Variants in EXT1 observed in about 807,000 individuals in gnomAD.
EXT1 encodes the protein exostosin-1.
Under a neutral mutation model 82.5 loss-of-function variants are expected in EXT1, and 20 were observed. The ratio of observed to expected loss-of-function variants is 0.24; its 90% CI spans 0.17 to 0.35. The LOEUF (loss-of-function observed/expected upper bound fraction) is 0.35, where lower values mean the gene tolerates loss of function less well. Ranked by LOEUF, EXT1 falls within the 10% of genes least tolerant of loss-of-function variation. The pLI is 1.00. For synonymous variants in EXT1, 348 were observed against 350.8 expected, an observed-to-expected ratio of 0.99 and a Z score of 0.09; for missense variants, 757 against 936.5, an observed-to-expected ratio of 0.81 and a Z score of 2.50.
chr8:117,938,349 C>T (rs1814209045), intron 1 of EXT1, among the ~76,000 whole-genome samples: 1 of 152,164 alleles, frequency 6.6e-6, no homozygotes, highest in African/African-American at 2.4e-5. Flanking sequence ...GTAATCCCAG[C>T]TACTCAGGAG....
Position 117,885,038 on chromosome 8 carries a change from T to A in EXT1, c.963-47837A>T, listed in dbSNP as rs564269052. 4.9e-3 allele frequency among the ~76,000 whole-genome samples: 743 copies of A among 152,304 alleles called. 4 individuals carry two copies. The highest frequency in any genetic ancestry group is 5.9e-3 in the Non-Finnish European group (401 of 68,018). On this transcript the variant is annotated intron_variant, in intron 1 of 10. Transcript: ENST00000378204. ...AGCATTAGAGATGAATCTAAAAACA[T>A]AGCTACAAATAGGTGTTTATTTTGA...
intron 1 of EXT1, among the ~76,000 whole-genome samples, chr8:117,910,719 G>T (rs1278515134): frequency 2.6e-5 from 4 of 152,194 alleles, no homozygotes. Flanking sequence ...TTTCACATAT[G>T]AGTTGACGGA....
At chr8:118,109,312 A>T (rs566730000) in intron 1 of EXT1, among the ~76,000 whole-genome samples, 8 of 151,944 alleles carry the variant, frequency 5.3e-5, no homozygotes, top group African/African-American at 1.9e-4. Flanking sequence ...GGAACGGGAA[A>T]TCTAAATTAG....
chr8:117,995,808 C>A (rs17476247), intron 1 of EXT1, among the ~76,000 whole-genome samples: 4,630 of 152,228 alleles, frequency 0.03, 223 homozygotes, highest in African/African-American at 0.11. Flanking sequence ...CCTATACATG[C>A]CTTCCCAACC....
intron 1 of EXT1, among the ~76,000 whole-genome samples, chr8:117,953,725 A>C (rs1325491709): frequency 1.3e-5 from 2 of 152,158 alleles, no homozygotes; most frequent in African/African-American, 4.8e-5. Context: ...CCAATATATT[A>C]TGATGCCTTC....
intron 1 of EXT1, among the ~76,000 whole-genome samples, chr8:118,053,756 G>A (rs1034673300): frequency 6.6e-6 from 1 of 152,194 alleles, no homozygotes; most frequent in Non-Finnish European, 1.5e-5. Context: ...ATTTGCCAAA[G>A]ACCATACAGC....
intron 1 of EXT1, among the ~76,000 whole-genome samples, chr8:118,083,933 G>A (rs1413830346): frequency 4.6e-5 from 7 of 152,100 alleles, no homozygotes; most frequent in African/African-American, 7.2e-5. Context: ...GAAGGCTGAG[G>A]CAGGAGAATT....
At chr8:117,920,230 G>A (rs1813828744) in intron 1 of EXT1, among the ~76,000 whole-genome samples, 1 of 151,768 alleles carries the variant, frequency 6.6e-6, no homozygotes, top group Non-Finnish European at 1.5e-5. Flanking sequence ...TCAGCCTCCC[G>A]AGTAGCTGGG....
intron 1 of EXT1, among the ~76,000 whole-genome samples, chr8:117,921,317 T>C (rs1813850340): frequency 6.6e-6 from 1 of 152,170 alleles, no homozygotes; most frequent in South Asian, 2.1e-4. Flanking sequence ...TTAAGTCTCA[T>C]GAGGCCTCTA....
chr8:117,812,699 G>A (rs1823346494), intron 8 of EXT1, among the ~76,000 whole-genome samples, 173 bp downstream of exon 8: 1 of 152,226 alleles, frequency 6.6e-6, no homozygotes, highest in African/African-American at 2.4e-5. Flanking sequence ...CAGAGTGCCA[G>A]GTGGCAGCAA....
chr8:118,087,450 G>A (rs1048186714), intron 1 of EXT1, among the ~76,000 whole-genome samples: 3 of 152,140 alleles, frequency 2.0e-5, no homozygotes, highest in African/African-American at 4.8e-5. Context: ...CTATAAAAAC[G>A]TACGTAGAAG....
At chr8:118,049,315 C>G (rs1384531541) in intron 1 of EXT1, among the ~76,000 whole-genome samples, 1 of 152,160 alleles carries the variant, frequency 6.6e-6, no homozygotes, top group East Asian at 1.9e-4. Flanking sequence ...GCTGTGCTAC[C>G]ACATATATTA....
At chr8:118,074,237 G>A (rs1817162301) in intron 1 of EXT1, among the ~76,000 whole-genome samples, 1 of 152,158 alleles carries the variant, frequency 6.6e-6, no homozygotes, top group Admixed American at 6.5e-5. Context: ...CACCACAAAA[G>A]TTCAGAGGTT....
intron 1 of EXT1, among the ~76,000 whole-genome samples, chr8:117,915,601 T>C (rs146773512): frequency 6.6e-6 from 1 of 152,202 alleles, no homozygotes; most frequent in Non-Finnish European, 1.5e-5. Flanking sequence ...ATGCCTGTAA[T>C]CCCAGCACTT....
intron 1 of EXT1, among the ~76,000 whole-genome samples, chr8:117,843,197 G>A (rs1299254729): frequency 6.6e-6 from 1 of 152,200 alleles, no homozygotes; most frequent in African/African-American, 2.4e-5. Context: ...CATCCTTTGA[G>A]CACCTCCTTG....
intron 1 of EXT1, among the ~76,000 whole-genome samples, chr8:117,983,262 T>C (rs555121311): frequency 6.6e-6 from 1 of 152,268 alleles, no homozygotes; most frequent in African/African-American, 2.4e-5. Flanking sequence ...GGTGGGAGGA[T>C]TGTTCGAGTC....
chr8:118,087,404 A>G (rs1817440899), intron 1 of EXT1, among the ~76,000 whole-genome samples: 1 of 152,216 alleles, frequency 6.6e-6, no homozygotes, highest in Admixed American at 6.5e-5. Flanking sequence ...AGACATTGTC[A>G]GGGATCTTTA....
intron 8 of EXT1, among the ~76,000 whole-genome samples, chr8:117,811,648 G>A (rs1157644249): frequency 2.0e-5 from 3 of 147,654 alleles, no homozygotes; most frequent in Admixed American, 6.8e-5. Context: ...ATGGAGTCTC[G>A]CTCTGTCACC....
intron 1 of EXT1, among the ~76,000 whole-genome samples, chr8:118,088,508 G>C (rs1474207900): frequency 6.7e-6 from 1 of 148,920 alleles, no homozygotes; most frequent in Non-Finnish European, 1.5e-5. Flanking sequence ...AAAAAAAAAA[G>C]GTAGGGGAAG....
Sources: gnomAD v4.1 joint callset for allele counts (sites outside exome capture counted in the v4.1 genomes callset) on GRCh38, gnomAD v4.1.1 for gene constraint, MANE v1.5 for transcripts, NCBI Gene and HGNC (gene_info 2026-07-23, HGNC 2026-07-21) for gene names.